The following ASCC2 variants were observed in gnomAD, a reference collection of about 807,000 sequenced individuals.
ASCC2 encodes activating signal cointegrator 1 complex subunit 2.
ASCC2 carries 42 observed loss-of-function variants against 93.5 expected under a neutral mutation model. The ratio of observed to expected loss-of-function variants is 0.45; its 90% CI spans 0.35 to 0.58. ASCC2 has a LOEUF of 0.58. Among genes scored for constraint, ASCC2 ranks in the 20% least tolerant of loss-of-function variants. The pLI is 0.00. For missense variants in ASCC2, 859 were observed against 977.6 expected (o/e 0.88, Z 1.62); for synonymous variants, 364 against 384.2 (o/e 0.95, Z 0.62).
rs35763537 is a variant in ASCC2 at position 29,827,757 on chromosome 22, GACAC to G, written c.82-1981_82-1978del. ...CTCAGGCCAGGCTACTCATTCTCCC[GACAC>G]ACACACACACACACACACACACACA... On this transcript the variant is annotated intron_variant, in intron 2 of 19. Coordinates refer to ENST00000307790, the MANE Select transcript of ASCC2 (RefSeq NM_032204.5). Among the ~76,000 whole-genome samples the G allele has an allele frequency of 2.0e-3, 199 of 100,960 alleles. 1 individual carries two copies. The highest frequency in any genetic ancestry group is 4.0e-3 in the Admixed American group (40 of 10,046). 66.2% of individuals were successfully genotyped at this position (100,960 alleles called of 152,430 possible). A position where few individuals can be genotyped will look rare whatever the true frequency, so the allele number is the denominator to read the frequency against.
Position 29,801,067 on chromosome 22 carries a change from T to G in ASCC2, c.1612A>C (p.Asn538His), listed in dbSNP as rs533351625. 1 of 1,609,320 alleles carries G rather than the reference T, an allele frequency of 6.2e-7. No individual in the cohort carries two copies. Among genetic ancestry groups the G allele is most frequent in the Admixed American group, 1.7e-5 (1 of 59,930 alleles). ...TCAAACTCGTCATTCTGGAAGACGT[T>G]GTGGCGAGACGTCAGCAGGGGTGTA... ...DPTPLLTSRH[N>H]VFQNDEFDVF... The change falls in exon 15 of 20, where the codon AAC (asparagine) becomes CAC (histidine). Residue 538 changes from asparagine to histidine, a missense_variant. By Grantham distance (68) the Asn-to-His change is moderately conservative. Coordinates refer to ENST00000307790, the MANE Select transcript of ASCC2 (RefSeq NM_032204.5).
At chr22:29,829,583 C>T (rs897250646) in intron 2 of ASCC2, among the ~76,000 whole-genome samples, 6 of 151,970 alleles carry the variant, frequency 3.9e-5, no homozygotes, top group African/African-American at 1.2e-4. Context: ...TAGCTGGTCC[C>T]AGCTACTCAG....
intron 4 of ASCC2, among the ~76,000 whole-genome samples, chr22:29,822,696 A>G (rs2061715572): frequency 6.8e-6 from 1 of 147,714 alleles, no homozygotes; most frequent in Non-Finnish European, 1.5e-5. Flanking sequence ...TGACTTTTAC[A>G]ACTGGCTGTA....
rs561476505 is a variant in ASCC2 at position 29,838,206 on chromosome 22, C to T, written c.-46G>A. The T allele has an allele frequency of 3.0e-6, 1 of 331,848 alleles. No homozygotes were observed. The highest frequency in any genetic ancestry group is 1.9e-5 in the South Asian group (1 of 52,730). 20.6% of individuals were successfully genotyped at this position (331,848 alleles called of 1,614,324 possible). ...GGCGGCTCCACCACCGGCTCTGTGC[C>T]GCCGCCGCCGCCGCCGCCGCCGACC... On this transcript the variant is annotated 5_prime_UTR_variant, in exon 1 of 20. Coordinates refer to ENST00000307790, the MANE Select transcript of ASCC2 (RefSeq NM_032204.5).
chr22:29,815,985 C>T (rs377069399), intron 6 of ASCC2, 21 bp downstream of exon 6: 11 of 1,567,504 alleles, frequency 7.0e-6, no homozygotes, highest in Admixed American at 5.6e-5. Flanking sequence ...ACCTCCCCTG[C>T]GCAGGGCCAA....
intron 19 of ASCC2, 118 bp downstream of exon 19, chr22:29,790,351 T>G: frequency 9.1e-5 from 90 of 993,524 alleles, no homozygotes; most frequent in Middle Eastern, 2.3e-4. Flanking sequence ...TGGGTTGTCG[T>G]GAGAACTAAA....
At chr22:29,832,458 G>C (rs530605328) in intron 1 of ASCC2, 116 bp from the exon 2 acceptor site, 324 of 787,734 alleles carry the variant, frequency 4.1e-4, no homozygotes, top group Non-Finnish European at 5.7e-4. Context: ...GCCTTAGGAG[G>C]CTCCTGTTGT....
At chr22:29,790,341 T>C (rs2068843766) in intron 19 of ASCC2, 128 bp downstream of exon 19, 1 of 881,638 alleles carries the variant, frequency 1.1e-6, no homozygotes, top group South Asian at 1.6e-5. Flanking sequence ...GCTACTTCAC[T>C]GGGTTGTCGT....
rs938614321 is a variant in ASCC2, at chr22:29,792,637, G to A, written c.1920-102C>T. 3.4e-6 allele frequency: 5 copies of A among 1,486,346 alleles called. No individual in the cohort carries two copies. In the African/African-American group the frequency reaches 7.1e-5, roughly 21 times the overall value. 92.1% of individuals were successfully genotyped at this position (1,486,346 alleles called of 1,614,324 possible). Reference sequence around the variant, plus strand: ...TTGGGTGAGATGGGGCCGCCAGGAGGGCTCAGGAGGTTGGGAAAAACCAAA... The same window carrying A: ...TTGGGTGAGATGGGGCCGCCAGGAGAGCTCAGGAGGTTGGGAAAAACCAAA... On this transcript the variant is annotated intron_variant, in intron 17 of 19. Coordinates refer to ENST00000307790, the MANE Select transcript of ASCC2 (RefSeq NM_032204.5).
At chr22:29,827,793 A>ACACAC (rs2062582708) in intron 2 of ASCC2, among the ~76,000 whole-genome samples, 18 of 20,468 alleles carry the variant, frequency 8.8e-4, no homozygotes, top group African/African-American at 4.1e-3. Context: ...CACACACACA[A>ACACAC]CCAGGCTACT....
chr22:29,829,447 A>G (rs551006233), intron 2 of ASCC2, among the ~76,000 whole-genome samples: 255 of 152,046 alleles, frequency 1.7e-3, no homozygotes, highest in African/African-American at 5.7e-3. Flanking sequence ...GGCTGACTGG[A>G]CGTGGTGGCT....
chr22:29,811,138 T>C (rs2147903922), intron 8 of ASCC2, among the ~76,000 whole-genome samples: 1 of 152,296 alleles, frequency 6.6e-6, no homozygotes, highest in South Asian at 2.1e-4. Flanking sequence ...CCAAAGACAT[T>C]AGAGAAAGGG....
At chr22:29,818,367 G>C (rs1185235983) in intron 5 of ASCC2, among the ~76,000 whole-genome samples, 1 of 150,780 alleles carries the variant, frequency 6.6e-6, no homozygotes, top group African/African-American at 2.5e-5. Flanking sequence ...GAGACAGACA[G>C]AAACTGCAGG....
Position 29,823,847 on chromosome 22 carries a change from CA to C in ASCC2, c.411+1239del, listed in dbSNP as rs773869469. On this transcript the variant is annotated intron_variant, in intron 4 of 19. Transcript: ENST00000307790. ...GGGCAACAAGAGTGAAACTCCATCT[CA>C]AAAAAAAAAAAAAAGAAAAGAAAAT... 5.3e-3 allele frequency among the ~76,000 whole-genome samples: 431 copies of C among 81,046 alleles called. 1 individual carries two copies. Among genetic ancestry groups the C allele is most frequent in the African/African-American group, 1.0e-2 (215 of 21,524 alleles). 53.2% of individuals were successfully genotyped at this position (81,046 alleles called of 152,430 possible). A position where few individuals can be genotyped will look rare whatever the true frequency, so the allele number is the denominator to read the frequency against.
At chr22:29,812,761 T>C (rs776493633) in intron 8 of ASCC2, among the ~76,000 whole-genome samples, 4 of 152,210 alleles carry the variant, frequency 2.6e-5, no homozygotes, top group Admixed American at 2.6e-4. Context: ...GTCTGGAAGA[T>C]ACCTGTTCCT....
At chr22:29,832,530 A>T in intron 1 of ASCC2, 188 bp from the exon 2 acceptor site, 1 of 493,066 alleles carries the variant, frequency 2.0e-6, no homozygotes, top group East Asian at 3.3e-5. Flanking sequence ...TGCATAAAGC[A>T]GTTCTCAATT....
rs74732011 is a variant in ASCC2 at position 29,805,868 on chromosome 22, C to T, written c.1160+348G>A. 2.9e-3 allele frequency among the ~76,000 whole-genome samples: 445 copies of T among 151,946 alleles called. 3 individuals carry two copies. The highest frequency in any genetic ancestry group is 7.1e-3 in the Admixed American group (108 of 15,246). ...CTGGGTGAGGCGCCACCTCTGGTTT[C>T]CTGCCCTCTGAAATCTTCCCACGTG... is the stretch of plus-strand genomic sequence containing the variant. On this transcript the variant is annotated intron_variant, in intron 12 of 19. Coordinates refer to ENST00000307790, the MANE Select transcript of ASCC2 (RefSeq NM_032204.5).
intron 5 of ASCC2, among the ~76,000 whole-genome samples, chr22:29,820,866 A>T (rs1308568724): frequency 6.8e-6 from 1 of 147,726 alleles, no homozygotes; most frequent in Non-Finnish European, 1.5e-5. Context: ...AGATTGCACC[A>T]TTGCACTCTA....
chr22:29,799,932 C>G (rs1045716093), intron 15 of ASCC2, among the ~76,000 whole-genome samples: 11 of 152,108 alleles, frequency 7.2e-5, no homozygotes, highest in African/African-American at 2.7e-4. Flanking sequence ...GAACTATAGG[C>G]GTGTGCCAGC....
Sources: gnomAD v4.1 joint callset for allele counts (sites outside exome capture counted in the v4.1 genomes callset) on GRCh38, gnomAD v4.1.1 for gene constraint, MANE v1.5 for transcripts, NCBI Gene and HGNC (gene_info 2026-07-23, HGNC 2026-07-21) for gene names.